TCOF1: variants seen among roughly 807,000 people sequenced by gnomAD.
TCOF1 encodes treacle protein.
In TCOF1, 33 loss-of-function variants were observed where a neutral mutation model predicts 149.0. The ratio of observed to expected loss-of-function variants is 0.22; its 90% CI spans 0.17 to 0.30. TCOF1 has a LOEUF of 0.30. Ranked by LOEUF, TCOF1 falls within the 10% of genes least tolerant of loss-of-function variation. TCOF1 has a pLI of 1.00. For synonymous variants in TCOF1, 789 were observed against 738.8 expected, an observed-to-expected ratio of 1.07 and a Z score of -1.10; for missense variants, 1,728 against 1,840.7, an observed-to-expected ratio of 0.94 and a Z score of 1.12.
chr5:150,373,620 C>T lies in TCOF1; in HGVS notation c.871-554C>T, dbSNP rs116285485. Among the ~76,000 whole-genome samples, 910 of 152,280 alleles carry T rather than the reference C, an allele frequency of 6.0e-3. 9 individuals are homozygous for T. The highest frequency in any genetic ancestry group is 0.021 in the African/African-American group (878 of 41,558). On this transcript the variant is annotated intron_variant, in intron 7 of 26. Coordinates refer to ENST00000643257, the MANE Select transcript of TCOF1 (RefSeq NM_001371623.1). ...GAGGGGGCCAGGTGTGCAAACCTTG[C>T]CCCATGAGGCTGAGGGTGGGCTTCC... is the stretch of plus-strand genomic sequence containing the variant.
chr5:150,392,432 G>A, intron 21 of TCOF1: 1 of 609,702 alleles, frequency 1.6e-6, no homozygotes, highest in Non-Finnish European at 2.9e-6. Context: ...AAACTCCAGG[G>A]CCATGTTTCT....
rs761380412 is a variant in TCOF1, at chr5:150,375,392, G to A, written c.1542G>A (p.Met514Ile). The change falls in exon 11 of 27, where the codon ATG becomes ATA. Residue 514 changes from methionine (M) to isoleucine (I), a missense_variant. Physicochemically the swap from Met to Ile is conservative, Grantham distance 10. This residue lies in a region of TCOF1 where 1,696 missense variants were observed against 1,765.4 expected (regional missense o/e 0.96). Coordinates refer to ENST00000643257, the MANE Select transcript of TCOF1 (RefSeq NM_001371623.1). ...TGAAACCTGCCTCTACCATGGGCAT[G>A]GGGCCCTTGGGGAAAGGCGCCGGCC... ...PQVKPASTMGMGPLGKGAGPV... is the reference protein window; with the variant it reads ...PQVKPASTMGIGPLGKGAGPV... 6.2e-7 allele frequency: 1 copy of A among 1,612,646 alleles called. No individual in the cohort carries two copies. The highest frequency in any genetic ancestry group is 1.3e-5 in the African/African-American group (1 of 74,872).
chr5:150,382,616 C>T (rs1248921487), intron 17 of TCOF1, among the ~76,000 whole-genome samples: 2 of 152,202 alleles, frequency 1.3e-5, no homozygotes, highest in African/African-American at 4.8e-5. Flanking sequence ...TTCCAGCCCC[C>T]ATCATCACAC....
chr5:150,379,159 G>C, intron 15 of TCOF1, 70 bp from the exon 16 acceptor site: 2 of 1,614,064 alleles, frequency 1.2e-6, no homozygotes, highest in Non-Finnish European at 1.7e-6. Context: ...CCAGAGTTGT[G>C]CCATAGTGGG....
At position 150,376,104 on chromosome 5, in the gene TCOF1, C is replaced by T; in HGVS notation, c.1916C>T (p.Pro639Leu). Residue 639 changes from proline to leucine, a missense_variant, in exon 13 of 27, where the codon CCT (proline) becomes CTT (leucine). By Grantham distance (98) the Pro-to-Leu change is moderately conservative (BLOSUM62 -3). Around this residue, in one of 2 missense-constraint regions of TCOF1, gnomAD observed 1,696 missense variants for 1,765.4 expected, o/e 0.96. Coordinates refer to ENST00000643257, the MANE Select transcript of TCOF1 (RefSeq NM_001371623.1). ...CAGGCAAAACCAGCTCTGAAAATTC[C>T]TCAGACCAAGGCCTGCCCAAAGAAA... ...AAQAKPALKI[P>L]QTKACPKKTN... 6.2e-7 allele frequency: 1 copy of T among 1,614,228 alleles called. No homozygotes were observed. The highest frequency in any genetic ancestry group is 8.5e-7 in the Non-Finnish European group (1 of 1,180,026).
intron 19 of TCOF1, among the ~76,000 whole-genome samples, chr5:150,390,316 A>G (rs1304049423): frequency 3.3e-5 from 5 of 152,106 alleles, no homozygotes; most frequent in Middle Eastern, 6.8e-3. Flanking sequence ...TTTTTCTTCC[A>G]GTTTTGAAAT....
At chr5:150,367,980 C>A in intron 4 of TCOF1, 63 bp downstream of exon 4, 1 of 1,571,578 alleles carries the variant, frequency 6.4e-7, no homozygotes, top group Non-Finnish European at 8.7e-7. Flanking sequence ...AGGGGACAGT[C>A]TTACATGTCA....
Position 150,388,009 on chromosome 5 carries a change from C to G in TCOF1, c.2967C>G (p.Ala989=). The G allele has an allele frequency of 1.2e-6, 2 of 1,613,890 alleles. No homozygotes were observed. Among genetic ancestry groups the G allele is most frequent in the Middle Eastern group, 1.7e-4 (1 of 6,060 alleles). The change falls in exon 18 of 27, where the codon GCC becomes GCG. Residue 989 remains alanine (A), a synonymous_variant. Coordinates refer to ENST00000643257, the MANE Select transcript of TCOF1 (RefSeq NM_001371623.1). ...QAASTPRKAR[A]SESTARSSSS... Reference sequence around the variant, plus strand: ...CAAGCACCCCGAGGAAGGCCCGAGCCTCGGAGAGCACAGCCAGGAGCTCCT... The same window carrying G: ...CAAGCACCCCGAGGAAGGCCCGAGCGTCGGAGAGCACAGCCAGGAGCTCCT...
chr5:150,391,759 A>T, intron 20 of TCOF1, 102 bp downstream of exon 20: 1 of 1,283,592 alleles, frequency 7.8e-7, no homozygotes, highest in Non-Finnish European at 1.1e-6. Context: ...TGACCTCTGC[A>T]CTTGGTTTGC....
intron 2 of TCOF1, among the ~76,000 whole-genome samples, chr5:150,361,562 G>T (rs1163052772): frequency 6.6e-6 from 1 of 152,236 alleles, no homozygotes; most frequent in Non-Finnish European, 1.5e-5. Flanking sequence ...CTTTCCTGCA[G>T]CTGACATTGT....
At chr5:150,373,350 A>G (rs1053667182) in intron 7 of TCOF1, among the ~76,000 whole-genome samples, 1 of 152,198 alleles carries the variant, frequency 6.6e-6, no homozygotes, top group Non-Finnish European at 1.5e-5. Context: ...CATAAATGTG[A>G]ACTTTTATGT....
intron 18 of TCOF1, among the ~76,000 whole-genome samples, chr5:150,388,438 G>A (rs1470658623): frequency 6.6e-6 from 1 of 152,166 alleles, no homozygotes; most frequent in Non-Finnish European, 1.5e-5. Context: ...CCCGTCCTTG[G>A]TGGCATGTAA....
chr5:150,365,239 T>G (rs1761064330), intron 3 of TCOF1, among the ~76,000 whole-genome samples: 1 of 149,222 alleles, frequency 6.7e-6, no homozygotes, highest in East Asian at 1.9e-4. Flanking sequence ...ATTTTGTGGG[T>G]TTTCTTTTTC....
intron 23 of TCOF1, 37 bp from the exon 24 acceptor site, chr5:150,396,245 T>C: frequency 1.2e-6 from 2 of 1,610,046 alleles, no homozygotes; most frequent in South Asian, 2.2e-5. Flanking sequence ...GTCCCCCAAC[T>C]CTCCCAGATC....
intron 6 of TCOF1, among the ~76,000 whole-genome samples, chr5:150,371,512 C>G (rs187556526): frequency 1.3e-5 from 2 of 152,304 alleles, no homozygotes; most frequent in East Asian, 3.9e-4. Flanking sequence ...TGGGAAATGT[C>G]TGAATTGTGG....
At chr5:150,381,794 G>C (rs1276808258) in intron 17 of TCOF1, among the ~76,000 whole-genome samples, 1 of 152,210 alleles carries the variant, frequency 6.6e-6, no homozygotes, top group African/African-American at 2.4e-5. Context: ...CCAGGTTCCA[G>C]CTGCTGAAAA....
At chr5:150,384,869 A>G (rs1318489589) in intron 17 of TCOF1, 14 of 985,390 alleles carry the variant, frequency 1.4e-5, no homozygotes, top group Middle Eastern at 5.2e-4. Flanking sequence ...GACAAGTTTC[A>G]GTCTGATTTT....
chr5:150,383,168 C>T, intron 17 of TCOF1: 1 of 1,535,246 alleles, frequency 6.5e-7, no homozygotes, highest in Non-Finnish European at 8.7e-7. Context: ...CTGCCACTGA[C>T]CCAGGTGCGC....
chr5:150,392,128 G>C lies in TCOF1; in HGVS notation c.3469G>C (p.Glu1157Gln). Reference protein sequence around the residue: ...EDSSDSSSGSEEDGEGPQGAK... With the variant: ...EDSSDSSSGSQEDGEGPQGAK... ...CAGCAGCGACAGTTCTTCAGGGAGT[G>C]AGGAAGATGGTGAAGGGCCCCAGGG... The change falls in exon 21 of 27, where the codon GAG becomes CAG. Residue 1157 changes from glutamate (E) to glutamine (Q), a missense_variant. Transcript: ENST00000643257. 2 of 1,614,252 alleles carry C rather than the reference G, an allele frequency of 1.2e-6. No homozygotes were observed. Among genetic ancestry groups the C allele is most frequent in the South Asian group, 2.2e-5 (2 of 91,084 alleles).
Sources: allele counts gnomAD v4.1 joint callset (sites outside exome capture counted in the v4.1 genomes callset), GRCh38; gene constraint gnomAD v4.1.1; regional missense constraint gnomAD v4.1.1; transcripts MANE v1.5; gene names NCBI Gene and HGNC (gene_info 2026-07-23, HGNC 2026-07-21).